ZC4H2: variants seen among roughly 807,000 people sequenced by gnomAD.
ZC4H2 encodes the protein zinc finger C4H2 domain-containing protein.
For missense variants in ZC4H2, 137 were observed against 173.9 expected (o/e 0.79, Z 1.19); for synonymous variants, 84 against 66.3 (o/e 1.27, Z -1.30).
At chrX:64,973,420 G>C (rs1316333363) in intron 1 of ZC4H2, among the ~76,000 whole-genome samples, 1 of 109,869 alleles carries the variant, frequency 9.1e-6, no homozygotes, top group Admixed American at 9.8e-5. Context: ...TGAATGAAGT[G>C]TAGAAGCATG....
chrX:64,940,778 C>T (rs147750661), intron 1 of ZC4H2, among the ~76,000 whole-genome samples: 15,715 of 111,067 alleles, frequency 0.14, 2,676 homozygotes, highest in African/African-American at 0.48. Flanking sequence ...GGTACCAGTA[C>T]CATGGTGTTT....
At chrX:64,990,940 T>G (rs1932296616) in intron 1 of ZC4H2, among the ~76,000 whole-genome samples, 1 of 112,110 alleles carries the variant, frequency 8.9e-6, no homozygotes, top group Non-Finnish European at 1.9e-5. Context: ...AGCCCAAATA[T>G]ATCAGCAATC....
chrX:64,954,388 A>AT (rs1931065328), intron 1 of ZC4H2, among the ~76,000 whole-genome samples: 1 of 72,913 alleles, frequency 1.4e-5, no homozygotes, highest in African/African-American at 1.4e-4. Context: ...ATATATTTAT[A>AT]ATTATATATA....
chrX:64,987,461 T>G (rs1932210898), intron 1 of ZC4H2, among the ~76,000 whole-genome samples: 1 of 98,563 alleles, frequency 1.0e-5, no homozygotes, highest in Admixed American at 1.0e-4. Flanking sequence ...ACTGGTTTGC[T>G]GGGTTTTTTT....
rs1198376876 is a variant in ZC4H2 at position 64,954,334 on chromosome X, ATAT to A, written c.53+21988_53+21990del. Among the ~76,000 whole-genome samples the A allele has an allele frequency of 2.0e-3, 153 of 76,637 alleles. 12 individuals carry two copies. Among genetic ancestry groups the A allele is most frequent in the African/African-American group, 8.8e-3 (126 of 14,390 alleles). The allele number at this position is 76,637 out of a possible 115,157, so 66.6% of individuals were successfully genotyped here. Reference sequence around the variant, plus strand: ...AAAGTATAATTATATATATATATATATATAATTATATATATATATAATTATATA... The same window carrying A: ...AAAGTATAATTATATATATATATATAAATTATATATATATATAATTATATA... On this transcript the variant is annotated intron_variant, in intron 1 of 4. Coordinates refer to ENST00000374839, the MANE Select transcript of ZC4H2 (RefSeq NM_018684.4).
At chrX:65,002,538 C>T (rs1226400034) in intron 1 of ZC4H2, among the ~76,000 whole-genome samples, 7 of 110,925 alleles carry the variant, frequency 6.3e-5, no homozygotes, top group Non-Finnish European at 1.1e-4. Flanking sequence ...TCTGCCCGGC[C>T]GCCACCCCGT....
At chrX:64,978,745 AAT>A (rs766042038), upstream of ZC4H2, among the ~76,000 whole-genome samples, 4 of 109,857 alleles carry the variant, frequency 3.6e-5, no homozygotes, top group African/African-American at 1.3e-4. Context: ...GGAAAAAAAA[AAT>A]ATATATATAT....
rs1039472112 is a variant in ZC4H2 at position 64,916,584 on chromosome X, T to A, written c.*1199A>T. 2 of 111,814 alleles carry A rather than the reference T, an allele frequency of 1.8e-5. No homozygotes were observed. Among genetic ancestry groups the A allele is most frequent in the African/African-American group, 6.5e-5 (2 of 30,736 alleles). The allele number at this position is 111,814 out of a possible 1,213,427, so 9.2% of individuals were successfully genotyped here. ...AAAAATATCCCCCTCCCCAGCCAGG[T>A]ACTGAGACCTGGGGCTAAAATTTTT... On this transcript the variant is annotated 3_prime_UTR_variant, in exon 5 of 5. Coordinates refer to ENST00000374839, the MANE Select transcript of ZC4H2 (RefSeq NM_018684.4).
chrX:65,024,946 C>T (rs1932865270), intron 1 of ZC4H2, among the ~76,000 whole-genome samples: 2 of 110,870 alleles, frequency 1.8e-5, no homozygotes, highest in African/African-American at 6.6e-5. Context: ...GAGTATTATG[C>T]TCATTACTTG....
At chrX:64,978,000 T>C (rs184509285), upstream of ZC4H2, among the ~76,000 whole-genome samples, 16 of 111,237 alleles carry the variant, frequency 1.4e-4, no homozygotes, top group Non-Finnish European at 3.0e-4. Flanking sequence ...AGCTGGACGT[T>C]GGGCAAAAGG....
At chrX:65,008,203 C>CA (rs957503672) in intron 1 of ZC4H2, among the ~76,000 whole-genome samples, 3 of 109,337 alleles carry the variant, frequency 2.7e-5, no homozygotes, top group Non-Finnish European at 3.8e-5. Context: ...CCAACAGATA[C>CA]AAAAAAAAAG....
At chrX:65,016,380 C>T (rs1932797470) in intron 1 of ZC4H2, among the ~76,000 whole-genome samples, 1 of 111,562 alleles carries the variant, frequency 9.0e-6, no homozygotes, top group Non-Finnish European at 1.9e-5. Flanking sequence ...TTGATTGGCC[C>T]GCCTGAAATA....
At chrX:64,929,186 C>T (rs1311768337) in intron 1 of ZC4H2, among the ~76,000 whole-genome samples, 1 of 111,091 alleles carries the variant, frequency 9.0e-6, no homozygotes, top group Non-Finnish European at 1.9e-5. Flanking sequence ...AGTCACTGCA[C>T]CTGCCCCTTT....
At chrX:65,029,608 T>C (rs755676260) in intron 1 of ZC4H2, among the ~76,000 whole-genome samples, 57 of 110,687 alleles carry the variant, frequency 5.1e-4, no homozygotes, top group Non-Finnish European at 9.1e-4. Context: ...GTAAGGTACG[T>C]GAGATAGAAA....
In ZC4H2 at chrX:64,953,265, G is replaced by A. The variant is rs1198969780; in HGVS notation, c.53+23060C>T. On this transcript the variant is annotated intron_variant, in intron 1 of 4. Transcript: ENST00000374839. Reference sequence around the variant, plus strand: ...CCATTCAGGACACAGGCATGGGCAAGGACTTCATGTCTAAAACACCAAAAG... The same window carrying A: ...CCATTCAGGACACAGGCATGGGCAAAGACTTCATGTCTAAAACACCAAAAG... Among the ~76,000 whole-genome samples, 4 of 111,900 alleles carry A rather than the reference G, an allele frequency of 3.6e-5. No homozygotes were observed. In the Admixed American group the frequency reaches 3.8e-4, roughly 11 times the overall value.
chrX:64,937,908 G>A (rs774155671), intron 1 of ZC4H2, among the ~76,000 whole-genome samples: 10 of 111,319 alleles, frequency 9.0e-5, no homozygotes, highest in South Asian at 3.8e-4. Context: ...TCAAAAGCTC[G>A]CAGAAGACAA....
chrX:65,018,982 T>A (rs1363698031), intron 1 of ZC4H2, among the ~76,000 whole-genome samples: 1 of 111,706 alleles, frequency 9.0e-6, no homozygotes, highest in African/African-American at 3.3e-5. Context: ...AAGGCCTCTC[T>A]AGATTCCTCC....
intron 1 of ZC4H2, among the ~76,000 whole-genome samples, chrX:64,992,794 G>A (rs182131778): frequency 2.7e-5 from 3 of 111,289 alleles, no homozygotes; most frequent in African/African-American, 6.5e-5. Flanking sequence ...TGCTTTTACC[G>A]TCTGCTAACA....
chrX:64,945,183 T>G (rs1930469881), intron 1 of ZC4H2, among the ~76,000 whole-genome samples: 1 of 112,945 alleles, frequency 8.9e-6, no homozygotes, highest in Non-Finnish European at 1.9e-5. Flanking sequence ...ATTTTCATCT[T>G]TTTTGCACTG....
Sources: gnomAD v4.1 joint callset for allele counts (sites outside exome capture counted in the v4.1 genomes callset) on GRCh38, gnomAD v4.1.1 for gene constraint, MANE v1.5 for transcripts, NCBI Gene and HGNC (gene_info 2026-07-23, HGNC 2026-07-21) for gene names.